Variants in TIE1 observed in about 807,000 individuals in gnomAD.
TIE1 encodes tyrosine kinase with immunoglobulin like and EGF like domains 1.
In TIE1, 89 loss-of-function variants were observed where a neutral mutation model predicts 130.5. That is an observed-to-expected ratio of 0.68 (90% CI 0.57 to 0.81). The LOEUF is 0.81. TIE1 is among the 40% of genes least tolerant of loss of function. The probability of loss-of-function intolerance (pLI) is 0.00; values close to 1 mark genes in which losing one functional copy is unlikely to be tolerated. For missense variants in TIE1, 1,392 were observed against 1,559.8 expected (o/e 0.89, Z 1.81); for synonymous variants, 568 against 629.4 (o/e 0.90, Z 1.46).
Position 43,321,427 on chromosome 1 carries a change from C to T in TIE1, c.3180C>T (p.Ala1060=), listed in dbSNP as rs775620996. 39 of 1,613,894 alleles carry T rather than the reference C, an allele frequency of 2.4e-5. No individual in the cohort carries two copies. Among genetic ancestry groups the T allele is most frequent in the Non-Finnish European group, 3.1e-5 (36 of 1,179,996 alleles). Reference sequence around the variant, plus strand: ...CACCCTACTGTGGCATGACCTGTGCCGAGCTCTATGAAAAGCTGCCCCAGG... The same window carrying T: ...CACCCTACTGTGGCATGACCTGTGCTGAGCTCTATGAAAAGCTGCCCCAGG... The part of the protein sequence containing the change: ...GGTPYCGMTC[A]ELYEKLPQGY... The change falls in exon 21 of 23, where the codon GCC becomes GCT. Residue 1060 remains alanine (A), a synonymous_variant. Transcript: ENST00000372476.
intron 1 of TIE1, among the ~76,000 whole-genome samples, chr1:43,304,339 G>A (rs979670463): frequency 6.6e-6 from 1 of 152,186 alleles, no homozygotes; most frequent in African/African-American, 2.4e-5. Flanking sequence ...TGACAGAGAG[G>A]GGGACCCATG....
rs537573129 is a variant in TIE1, at chr1:43,312,705, T to C, written c.1927+104T>C. The C allele has an allele frequency of 9.0e-6, 12 of 1,334,334 alleles. No homozygotes were observed. The Admixed American group carries it at 2.3e-4, about 26-fold the overall frequency. The allele number at this position is 1,334,334 out of a possible 1,614,324, so 82.7% of individuals were successfully genotyped here. On this transcript the variant is annotated intron_variant, in intron 12 of 22. Coordinates refer to ENST00000372476, the MANE Select transcript of TIE1 (RefSeq NM_005424.5). This position sits in a 1 kb window ranked among gnomAD's most constrained non-coding sequence, Gnocchi z 5.6. Reference sequence around the variant, plus strand: ...GGAGGCTGTAGGAGATTAATGGACATGGAGAGGACACAGGACACACATAGG... The same window carrying C: ...GGAGGCTGTAGGAGATTAATGGACACGGAGAGGACACAGGACACACATAGG...
intron 1 of TIE1, 53 bp downstream of exon 1, chr1:43,301,182 T>G: frequency 1.3e-6 from 2 of 1,583,588 alleles, no homozygotes; most frequent in Non-Finnish European, 1.7e-6. Context: ...GGCCCTGATT[T>G]CTACCCAAGA....
In TIE1 at chr1:43,306,097, G is replaced by T. The variant is rs906024727; in HGVS notation, c.485-743G>T. 3.9e-5 allele frequency among the ~76,000 whole-genome samples: 6 copies of T among 152,186 alleles called. No homozygotes were observed. Among genetic ancestry groups the T allele is most frequent in the African/African-American group, 9.7e-5 (4 of 41,438 alleles). On this transcript the variant is annotated intron_variant, in intron 3 of 22. Coordinates refer to ENST00000372476, the MANE Select transcript of TIE1 (RefSeq NM_005424.5). The surrounding 1 kb of genome is among the most constrained non-coding windows in gnomAD (Gnocchi z 4.9). ...CCCTGAGCAAAGAGGCAAGAAGCGGGTGGGGCAGCGACTGGAGCACTCTTC... is the reference window on the plus strand; with the variant it reads ...CCCTGAGCAAAGAGGCAAGAAGCGGTTGGGGCAGCGACTGGAGCACTCTTC...
Position 43,318,644 on chromosome 1 carries a change from C to T in TIE1, c.2922+572C>T, listed in dbSNP as rs1252350234. Among the ~76,000 whole-genome samples, 1 of 152,028 alleles carries T rather than the reference C, an allele frequency of 6.6e-6. No individual in the cohort carries two copies. Among genetic ancestry groups the T allele is most frequent in the African/African-American group, 2.4e-5 (1 of 41,368 alleles). ...TCAGCCTCCTGAGTAGCTGGGATTACAGGCATGTACCACCACACCCAGCTA... is the reference window on the plus strand; with the variant it reads ...TCAGCCTCCTGAGTAGCTGGGATTATAGGCATGTACCACCACACCCAGCTA... On this transcript the variant is annotated intron_variant, in intron 17 of 22. Coordinates refer to ENST00000372476, the MANE Select transcript of TIE1 (RefSeq NM_005424.5). The surrounding 1 kb of genome is among the most constrained non-coding windows in gnomAD (Gnocchi z 4.4).
intron 1 of TIE1, among the ~76,000 whole-genome samples, chr1:43,301,957 C>T (rs1285952486): frequency 6.6e-6 from 1 of 152,216 alleles, no homozygotes; most frequent in Non-Finnish European, 1.5e-5. Context: ...ACTGCCATCA[C>T]TTTGATCCAC....
Position 43,312,355 on chromosome 1 carries a change from C to G in TIE1, c.1681C>G (p.Arg561Gly), listed in dbSNP as rs770263376. The change falls in exon 12 of 23, where the codon CGG becomes GGG. Residue 561 changes from arginine to glycine, a missense_variant. Physicochemically the swap from Arg to Gly is moderately radical, Grantham distance 125. Transcript: ENST00000372476. The surrounding 1 kb of genome is among the most constrained non-coding windows in gnomAD (Gnocchi z 5.6). The stretch of plus-strand genomic sequence containing the variant: ...GGGCTGGCATGTGGAAGGCACTGAC[C>G]GGCTGCGAGTGAGCTGGTCCTTGCC... Reference protein sequence around the residue: ...LEGWHVEGTDRLRVSWSLPLV... With the variant: ...LEGWHVEGTDGLRVSWSLPLV... 1.9e-6 allele frequency: 3 copies of G among 1,576,096 alleles called. No individual in the cohort carries two copies. The highest frequency in any genetic ancestry group is 3.4e-4 in the Middle Eastern group (2 of 5,888).
At position 43,317,480 on chromosome 1, in the gene TIE1, C is replaced by A. The variant is rs1252621294; in HGVS notation, c.2620+71C>A. On this transcript the variant is annotated intron_variant, in intron 15 of 22. Coordinates refer to ENST00000372476, the MANE Select transcript of TIE1 (RefSeq NM_005424.5). This position sits in a 1 kb window ranked among gnomAD's most constrained non-coding sequence, Gnocchi z 5.1. ...CCCACAAATCCCAGGCCCCACCTGG[C>A]TTCCTCCAGCAATTGACCCCAGCCC... 5.8e-5 allele frequency: 94 copies of A among 1,607,040 alleles called. No homozygotes were observed. In the East Asian group the frequency reaches 2.1e-3, roughly 36 times the overall value.
chr1:43,305,386 G>A (rs1646719021), intron 3 of TIE1, 43 bp downstream of exon 3: 2 of 1,466,378 alleles, frequency 1.4e-6, no homozygotes, highest in Non-Finnish European at 1.8e-6. Context: ...TAGACCCATC[G>A]TTCTGAGGCC....
In TIE1 at chr1:43,312,329, A is replaced by G; in HGVS notation, c.1655A>G (p.Glu552Gly). 1 of 1,554,330 alleles carries G rather than the reference A, an allele frequency of 6.4e-7. No homozygotes were observed. ...CPEPLLQPWL[E>G]GWHVEGTDRL... The stretch of plus-strand genomic sequence containing the variant: ...GAGCCTTTGTTGCAGCCGTGGTTGG[A>G]GGGCTGGCATGTGGAAGGCACTGAC... The change falls in exon 12 of 23, where the codon GAG becomes GGG. Residue 552 changes from glutamate (E) to glycine (G), a missense_variant. Around this residue, in one of 6 missense-constraint regions of TIE1, gnomAD observed 551 missense variants for 565.5 expected, o/e 0.97. Transcript: ENST00000372476. The surrounding 1 kb of genome is among the most constrained non-coding windows in gnomAD (Gnocchi z 5.6).
chr1:43,321,710 A>C lies in TIE1; in HGVS notation c.3340A>C (p.Arg1114=), dbSNP rs1260869897. The change falls in exon 22 of 23, where the codon AGG becomes CGG. Residue 1114 remains arginine (R), a synonymous_variant. Transcript: ENST00000372476. The stretch of plus-strand genomic sequence containing the variant: ...ACAGCTAGGCCGCATGCTGGAAGCC[A>C]GGAAGGTGAGGAGACTGGGGCTGAG... The part of the protein sequence containing the change: ...ALQLGRMLEA[R]KAYVNMSLFE... 6.4e-7 allele frequency: 1 copy of C among 1,552,166 alleles called. No homozygotes were observed. Among genetic ancestry groups the C allele is most frequent in the East Asian group, 2.4e-5 (1 of 41,016 alleles).
Position 43,322,584 on chromosome 1 carries a change from A to G in TIE1, c.3346-67A>G. ...AGTTCAAATGCCCCCACCACATGGA[A>G]GTCCAGGAGCTTGAGGCCAGATGCA... On this transcript the variant is annotated intron_variant, in intron 22 of 22. Coordinates refer to ENST00000372476, the MANE Select transcript of TIE1 (RefSeq NM_005424.5). The surrounding 1 kb of genome is among the most constrained non-coding windows in gnomAD (Gnocchi z 4.0). The G allele has an allele frequency of 8.0e-7, 1 of 1,252,060 alleles. No individual in the cohort carries two copies. Among genetic ancestry groups the G allele is most frequent in the Admixed American group, 1.7e-5 (1 of 57,826 alleles). The allele number at this position is 1,252,060 out of a possible 1,614,324, so 77.6% of individuals were successfully genotyped here. A position where few individuals can be genotyped will look rare whatever the true frequency, so the allele number is the denominator to read the frequency against.
In TIE1 at chr1:43,309,234, C is replaced by T. The variant is rs2153911230; in HGVS notation, c.1188+103C>T. 1 of 1,510,002 alleles carries T rather than the reference C, an allele frequency of 6.6e-7. No homozygotes were observed. Among genetic ancestry groups the T allele is most frequent in the Non-Finnish European group, 8.9e-7 (1 of 1,126,642 alleles). The allele number at this position is 1,510,002 out of a possible 1,614,324, so 93.5% of individuals were successfully genotyped here. On this transcript the variant is annotated intron_variant, in intron 8 of 22. Coordinates refer to ENST00000372476, the MANE Select transcript of TIE1 (RefSeq NM_005424.5). This position sits in a 1 kb window ranked among gnomAD's most constrained non-coding sequence, Gnocchi z 6.3. ...CTCAGAACTTTCTGCAGGGCCCACC[C>T]ATTGGCCTGACCATTGCTCACATGA...
In TIE1 at chr1:43,317,172, T is replaced by C; in HGVS notation, c.2410-27T>C. On this transcript the variant is annotated intron_variant, in intron 14 of 22. Transcript: ENST00000372476. This position sits in a 1 kb window ranked among gnomAD's most constrained non-coding sequence, Gnocchi z 5.1. ...CCCCCTTTGACTCTTGCGTGGACCGTCTGCCCTCTTGTCTCATCCTGTGAA... is the reference window on the plus strand; with the variant it reads ...CCCCCTTTGACTCTTGCGTGGACCGCCTGCCCTCTTGTCTCATCCTGTGAA... 1 of 1,612,280 alleles carries C rather than the reference T, an allele frequency of 6.2e-7. No homozygotes were observed. The highest frequency in any genetic ancestry group is 8.5e-7 in the Non-Finnish European group (1 of 1,178,766).
At position 43,309,289 on chromosome 1, in the gene TIE1, C is replaced by T; in HGVS notation, c.1189-99C>T. The stretch of plus-strand genomic sequence containing the variant: ...AGGCTGATTGGTGAGGGGGCTGCCA[C>T]TGGGCCTCTGTCCTGCCATCAGTCC... On this transcript the variant is annotated intron_variant, in intron 8 of 22. Transcript: ENST00000372476. The surrounding 1 kb of genome is among the most constrained non-coding windows in gnomAD (Gnocchi z 6.3). The T allele has an allele frequency of 6.6e-7, 1 of 1,517,968 alleles. No homozygotes were observed. The highest frequency in any genetic ancestry group is 8.8e-7 in the Non-Finnish European group (1 of 1,133,708). The allele number at this position is 1,517,968 out of a possible 1,614,324, so 94.0% of individuals were successfully genotyped here.
rs1296849392 is a variant in TIE1, at chr1:43,305,020, A to G, written c.228A>G (p.Pro76=). 4 of 1,566,404 alleles carry G rather than the reference A, an allele frequency of 2.6e-6. No individual in the cohort carries two copies. In the African/African-American group the frequency reaches 4.1e-5, roughly 16 times the overall value. ...DDRIVRTPPG[P]PLRLARNGSH... ...GTATCGTGCGCACCCCGCCCGGGCC[A>G]CCCCTGCGCCTGGCGCGCAACGGTT... Residue 76 remains proline, a synonymous_variant, in exon 2 of 23, where the codon CCA becomes CCG. Transcript: ENST00000372476.
intron 19 of TIE1, chr1:43,320,857 A>T (rs1570454544): frequency 7.1e-6 from 1 of 141,232 alleles, no homozygotes; most frequent in Non-Finnish European, 1.5e-5. Flanking sequence ...TCTGTCTCAA[A>T]AAATAAATAA....
At chr1:43,308,749 T>C (rs1647023024) in intron 7 of TIE1, 1 of 618,602 alleles carries the variant, frequency 1.6e-6, no homozygotes, top group Non-Finnish European at 3.0e-6. Context: ...TGGTGAGGGG[T>C]CTGCTGGCAG....
At chr1:43,314,323 G>A (rs1445205756) in intron 14 of TIE1, 7 of 1,128,160 alleles carry the variant, frequency 6.2e-6, no homozygotes, top group Middle Eastern at 3.9e-4. Context: ...TCTAGGCCTA[G>A]ATAGCAAGGT....
Sources: allele counts gnomAD v4.1 joint callset (sites outside exome capture counted in the v4.1 genomes callset), GRCh38; gene constraint gnomAD v4.1.1; regional missense constraint gnomAD v4.1.1; non-coding constraint Gnocchi (gnomAD v3.1); transcripts MANE v1.5; gene names NCBI Gene and HGNC (gene_info 2026-07-23, HGNC 2026-07-21).